The following IMMP2L variants were observed in gnomAD, a reference collection of about 807,000 sequenced individuals.
IMMP2L encodes inner mitochondrial membrane peptidase subunit 2.
IMMP2L carries 18 observed loss-of-function variants against 19.3 expected under a neutral mutation model. The observed-to-expected ratio is 0.93, with a 90% CI of 0.64 to 1.38. IMMP2L has a LOEUF of 1.38. Among genes scored for constraint, IMMP2L ranks in the 40% most tolerant of loss-of-function variants. IMMP2L has a pLI of 0.00. For synonymous variants in IMMP2L, 76 were observed against 73.0 expected (o/e 1.04, Z -0.21); for missense variants, 233 against 218.2 (o/e 1.07, Z -0.43).
chr7:111,012,621 T>C (rs1364619375), intron 3 of IMMP2L, among the ~76,000 whole-genome samples: 1 of 152,266 alleles, frequency 6.6e-6, no homozygotes, highest in South Asian at 2.1e-4. Context: ...CCAATAAATA[T>C]AGATTTAGAG....
chr7:111,539,188 GAA>G (rs1848217016), intron 1 of IMMP2L, among the ~76,000 whole-genome samples: 15 of 69,094 alleles, frequency 2.2e-4, no homozygotes, highest in African/African-American at 1.1e-3. Context: ...AGGAAGGAAG[GAA>G]GGAGGGAGAA....
chr7:110,801,503 T>C (rs1206114363), intron 5 of IMMP2L, among the ~76,000 whole-genome samples: 2 of 152,102 alleles, frequency 1.3e-5, no homozygotes, highest in African/African-American at 4.8e-5. Flanking sequence ...CAGAAAACTA[T>C]AAACAGTGAT....
intron 3 of IMMP2L, among the ~76,000 whole-genome samples, chr7:111,053,496 G>T (rs1335225323): frequency 3.3e-5 from 5 of 152,200 alleles, no homozygotes; most frequent in Admixed American, 3.3e-4. Flanking sequence ...TTATCAGGGA[G>T]CTGCTGATCA....
intron 3 of IMMP2L, among the ~76,000 whole-genome samples, chr7:111,240,650 C>T (rs1450991676): frequency 2.0e-5 from 3 of 151,810 alleles, no homozygotes; most frequent in African/African-American, 7.3e-5. Flanking sequence ...TAGGGACAGT[C>T]CCATTTTCTT....
chr7:110,927,237 T>C (rs1232250946), intron 4 of IMMP2L, among the ~76,000 whole-genome samples: 2 of 151,986 alleles, frequency 1.3e-5, no homozygotes, highest in East Asian at 3.9e-4. Context: ...TTACCCAACA[T>C]ATATAAGGAG....
chr7:110,957,572 A>T (rs1359708546), intron 4 of IMMP2L, among the ~76,000 whole-genome samples: 1 of 151,864 alleles, frequency 6.6e-6, no homozygotes, highest in Admixed American at 6.6e-5. Flanking sequence ...AATGAATCCA[A>T]AGTCCTTTCT....
At chr7:111,096,032 C>T (rs1797362660) in intron 3 of IMMP2L, among the ~76,000 whole-genome samples, 1 of 151,838 alleles carries the variant, frequency 6.6e-6, no homozygotes, top group South Asian at 2.1e-4. Context: ...AATGTGCTCT[C>T]CAAATTTTGC....
intron 3 of IMMP2L, among the ~76,000 whole-genome samples, chr7:111,164,031 A>C (rs976902556): frequency 2.0e-5 from 3 of 149,656 alleles, no homozygotes; most frequent in Non-Finnish European, 4.5e-5. Flanking sequence ...CATTTAGAGG[A>C]TTAAAAACAG....
intron 4 of IMMP2L, among the ~76,000 whole-genome samples, chr7:110,915,101 A>G (rs1813457701): frequency 6.6e-6 from 1 of 152,180 alleles, no homozygotes; most frequent in African/African-American, 2.4e-5. Context: ...ATATATCCAA[A>G]GGAAATGAAA....
intron 3 of IMMP2L, among the ~76,000 whole-genome samples, chr7:111,119,580 A>G (rs1308857780): frequency 6.6e-6 from 1 of 152,234 alleles, no homozygotes; most frequent in Non-Finnish European, 1.5e-5. Context: ...ATGTAACACA[A>G]ATTTGATGTT....
intron 3 of IMMP2L, among the ~76,000 whole-genome samples, chr7:111,174,492 C>A (rs1400806788): frequency 1.3e-5 from 2 of 150,990 alleles, no homozygotes; most frequent in Non-Finnish European, 3.0e-5. Flanking sequence ...TCACTCAATG[C>A]AAAAAAAATA....
chr7:111,150,905 A>T lies in IMMP2L; in HGVS notation c.240-187340T>A, dbSNP rs757815669. Among the ~76,000 whole-genome samples, 167 of 152,264 alleles carry T rather than the reference A, an allele frequency of 1.1e-3. 2 individuals carry two copies. Among genetic ancestry groups the T allele is most frequent in the Non-Finnish European group, 1.6e-4 (11 of 68,014 alleles). ...AACCAACTGTGCCATTTCATTAGCC[A>T]CAGTCCATTCCTGATGCCTGGAGAG... On this transcript the variant is annotated intron_variant, in intron 3 of 5. Coordinates refer to ENST00000405709, the MANE Select transcript of IMMP2L (RefSeq NM_032549.4).
At chr7:111,432,995 T>C (rs1836790778) in intron 3 of IMMP2L, among the ~76,000 whole-genome samples, 1 of 151,594 alleles carries the variant, frequency 6.6e-6, no homozygotes, top group African/African-American at 2.4e-5. Flanking sequence ...GGAATATATT[T>C]AACAAAGAAG....
At chr7:110,969,962 A>G (rs1819964628) in intron 3 of IMMP2L, among the ~76,000 whole-genome samples, 1 of 152,154 alleles carries the variant, frequency 6.6e-6, no homozygotes, top group Admixed American at 6.6e-5. Context: ...TGATGAAACA[A>G]CAACAGAATG....
At chr7:111,253,422 G>A (rs971107841) in intron 3 of IMMP2L, among the ~76,000 whole-genome samples, 13 of 152,094 alleles carry the variant, frequency 8.5e-5, no homozygotes, top group African/African-American at 3.1e-4. Flanking sequence ...TCAGGGAAGA[G>A]GTAGAGGATC....
At chr7:110,861,009 C>A (rs1691523316) in intron 5 of IMMP2L, among the ~76,000 whole-genome samples, 1 of 150,998 alleles carries the variant, frequency 6.6e-6, no homozygotes, top group South Asian at 2.1e-4. Context: ...TTAAAAATTC[C>A]TCAAAGGTAT....
At chr7:110,829,337 A>G (rs891921218) in intron 5 of IMMP2L, among the ~76,000 whole-genome samples, 2 of 152,190 alleles carry the variant, frequency 1.3e-5, no homozygotes, top group African/African-American at 4.8e-5. Context: ...AGTGGGATAT[A>G]ACAGCTTAAC....
intron 3 of IMMP2L, among the ~76,000 whole-genome samples, chr7:111,060,041 T>C (rs943150734): frequency 2.6e-5 from 4 of 152,200 alleles, no homozygotes; most frequent in African/African-American, 9.7e-5. Flanking sequence ...TTTCTTTCAG[T>C]GTCTAGAAAA....
intron 4 of IMMP2L, among the ~76,000 whole-genome samples, chr7:110,920,122 T>G (rs1330224541): frequency 6.6e-6 from 1 of 152,166 alleles, no homozygotes; most frequent in East Asian, 1.9e-4. Flanking sequence ...TTCCCTACTT[T>G]TGAGGTTTTC....
Sources: gnomAD v4.1 joint callset for allele counts (sites outside exome capture counted in the v4.1 genomes callset) on GRCh38, gnomAD v4.1.1 for gene constraint, MANE v1.5 for transcripts, NCBI Gene and HGNC (gene_info 2026-07-23, HGNC 2026-07-21) for gene names.